ST7: variants seen among roughly 807,000 people sequenced by gnomAD.
The protein encoded by ST7 is suppression of tumorigenicity 7, also known as suppressor of tumorigenicity 7 protein.
In ST7, 28 loss-of-function variants were observed where a neutral mutation model predicts 78.7. The ratio of observed to expected loss-of-function variants is 0.36; its 90% CI spans 0.26 to 0.49. The LOEUF (loss-of-function observed/expected upper bound fraction) is 0.49, where lower values mean the gene tolerates loss of function less well. ST7 is among the 20% of genes least tolerant of loss of function. The pLI, the probability that ST7 is intolerant of heterozygous loss-of-function variation, is 0.99. For synonymous variants in ST7, 247 were observed against 249.6 expected (o/e 0.99, Z 0.10); for missense variants, 418 against 696.0 (o/e 0.60, Z 4.49).
chr7:117,098,518 G>C (rs1246426349), intron 1 of ST7: 5 of 214,948 alleles, frequency 2.3e-5, no homozygotes, highest in Non-Finnish European at 4.7e-5. Flanking sequence ...TTGCTCATTT[G>C]CTTGTGTGTT....
chr7:116,994,921 G>A (rs900962285), intron 1 of ST7, among the ~76,000 whole-genome samples: 10 of 151,776 alleles, frequency 6.6e-5, no homozygotes, highest in South Asian at 2.1e-4. Flanking sequence ...TTTTTTTACC[G>A]TTTCCTTCTT....
At chr7:117,162,134 A>G (rs1807207430) in intron 9 of ST7, among the ~76,000 whole-genome samples, 1 of 152,052 alleles carries the variant, frequency 6.6e-6, no homozygotes, top group Non-Finnish European at 1.5e-5. Context: ...TCTCATTTTT[A>G]TGAATTGCCT....
At chr7:117,055,204 TTTTTA>T (rs1422939784) in intron 1 of ST7, among the ~76,000 whole-genome samples, 1 of 152,088 alleles carries the variant, frequency 6.6e-6, no homozygotes, top group Non-Finnish European at 1.5e-5. Flanking sequence ...CTCCTTAATT[TTTTTA>T]TTTTATTTTT....
At chr7:117,221,824 A>C in intron 14 of ST7, 99 bp from the exon 15 acceptor site, 9 of 1,345,852 alleles carry the variant, frequency 6.7e-6, no homozygotes, top group Non-Finnish European at 8.9e-6. Context: ...TAGGCTTCCA[A>C]CTCTTTCCCA....
intron 1 of ST7, chr7:116,958,600 A>G (rs1308922934): frequency 2.1e-6 from 1 of 471,442 alleles, no homozygotes; most frequent in Non-Finnish European, 4.4e-6. Context: ...ACCAGCTGGC[A>G]TGCTGCCTTC....
intron 1 of ST7, among the ~76,000 whole-genome samples, chr7:117,052,758 G>T (rs1371232464): frequency 1.3e-5 from 2 of 152,238 alleles, no homozygotes; most frequent in Non-Finnish European, 2.9e-5. Context: ...GCTGGGCGTG[G>T]TGGCGGGCGT....
intron 7 of ST7, among the ~76,000 whole-genome samples, chr7:117,135,573 A>G (rs1804722172): frequency 6.6e-6 from 1 of 152,076 alleles, no homozygotes; most frequent in South Asian, 2.1e-4. Context: ...TAGATTGAAG[A>G]TAATCTGTGT....
chr7:117,197,859 A>G (rs1810467386), intron 12 of ST7, among the ~76,000 whole-genome samples: 1 of 152,102 alleles, frequency 6.6e-6, no homozygotes, highest in South Asian at 2.1e-4. Flanking sequence ...TGAGGCAGGA[A>G]GATCGCTTGA....
intron 1 of ST7, among the ~76,000 whole-genome samples, chr7:116,963,029 C>A (rs1244722426): frequency 6.6e-6 from 1 of 152,146 alleles, no homozygotes; most frequent in African/African-American, 2.4e-5. Flanking sequence ...AAATCTGAGG[C>A]ATTATAGTAG....
intron 1 of ST7, among the ~76,000 whole-genome samples, chr7:117,092,984 AAAGGAATAAACAGG>A (rs762154877): frequency 1.3e-4 from 20 of 152,206 alleles, no homozygotes; most frequent in Non-Finnish European, 2.5e-4. Context: ...GACTTGAAGA[AAAGGAATAAACAGG>A]ATCACAGGTG....
At chr7:117,038,802 G>A (rs577579380) in intron 1 of ST7, among the ~76,000 whole-genome samples, 1 of 152,262 alleles carries the variant, frequency 6.6e-6, no homozygotes, top group East Asian at 1.9e-4. Context: ...TTCTAGCTGT[G>A]TCTTTAAAGC....
chr7:117,201,637 C>G (rs550221383), intron 12 of ST7, among the ~76,000 whole-genome samples: 1 of 151,916 alleles, frequency 6.6e-6, no homozygotes, highest in South Asian at 2.1e-4. Context: ...TGGCTCACTG[C>G]AGCCTCGACC....
Position 117,119,815 on chromosome 7 carries a change from A to G in ST7, c.394+95A>G, listed in dbSNP as rs1207926470. 2.1e-6 allele frequency: 3 copies of G among 1,417,178 alleles called. No individual in the cohort carries two copies. The Admixed American group carries it at 7.1e-5, about 34-fold the overall frequency. 87.8% of individuals were successfully genotyped at this position (1,417,178 alleles called of 1,614,324 possible). A position where few individuals can be genotyped will look rare whatever the true frequency, so the allele number is the denominator to read the frequency against. On this transcript the variant is annotated intron_variant, in intron 3 of 15. Coordinates refer to ENST00000323984, the MANE Select transcript of ST7 (RefSeq NM_001369598.1). ...AAGAGATTAAGAATGTTGTTATTTAAACATTAGGCTTCAGAGAAAAATGCA... is the reference window on the plus strand; with the variant it reads ...AAGAGATTAAGAATGTTGTTATTTAGACATTAGGCTTCAGAGAAAAATGCA...
chr7:116,995,116 A>T (rs939915767), intron 1 of ST7, among the ~76,000 whole-genome samples: 4 of 152,146 alleles, frequency 2.6e-5, no homozygotes, highest in Non-Finnish European at 5.9e-5. Context: ...AATTCTCCTC[A>T]AAATCTTCTG....
At chr7:117,186,636 T>C (rs1809285617) in intron 10 of ST7, among the ~76,000 whole-genome samples, 1 of 152,258 alleles carries the variant, frequency 6.6e-6, no homozygotes, top group African/African-American at 2.4e-5. Flanking sequence ...CTACAATATT[T>C]GGTGCATATT....
chr7:117,120,078 G>A (rs1415845013), intron 3 of ST7, among the ~76,000 whole-genome samples: 1 of 152,004 alleles, frequency 6.6e-6, no homozygotes, highest in African/African-American at 2.4e-5. Flanking sequence ...CCACAGGTGT[G>A]CACCACCATG....
At chr7:117,159,828 G>C (rs1163937931) in intron 9 of ST7, among the ~76,000 whole-genome samples, 1 of 152,162 alleles carries the variant, frequency 6.6e-6, no homozygotes, top group East Asian at 1.9e-4. Flanking sequence ...AGAAGGCGGA[G>C]GTTGCAGTGA....
chr7:116,994,173 G>A (rs1418841916), intron 1 of ST7, among the ~76,000 whole-genome samples: 3 of 152,038 alleles, frequency 2.0e-5, no homozygotes, highest in Non-Finnish European at 2.9e-5. Flanking sequence ...CCACCTTCCT[G>A]CTAACCCTTG....
intron 2 of ST7, among the ~76,000 whole-genome samples, chr7:117,114,071 C>T (rs1321397299): frequency 3.9e-5 from 6 of 152,010 alleles, no homozygotes; most frequent in East Asian, 3.9e-4. Context: ...GCCACAAAGG[C>T]GGGTGGAAGG....
Sources: allele counts gnomAD v4.1 joint callset (sites outside exome capture counted in the v4.1 genomes callset), GRCh38; gene constraint gnomAD v4.1.1; transcripts MANE v1.5; gene names NCBI Gene and HGNC (gene_info 2026-07-23, HGNC 2026-07-21).